Variants in CSMD1 observed in about 807,000 individuals in gnomAD.
The protein encoded by CSMD1 is CUB and Sushi multiple domains 1.
CSMD1 carries 213 observed loss-of-function variants against 417.5 expected under a neutral mutation model. The ratio of observed to expected loss-of-function variants is 0.51; its 90% CI spans 0.46 to 0.57. The LOEUF (loss-of-function observed/expected upper bound fraction) is 0.57, where lower values mean the gene tolerates loss of function less well. Ranked by LOEUF, CSMD1 falls within the 20% of genes least tolerant of loss-of-function variation. The probability of loss-of-function intolerance (pLI) is 0.00; values close to 1 mark genes in which losing one functional copy is unlikely to be tolerated. For missense variants in CSMD1, 6,923 were observed against 4,529.7 expected, an observed-to-expected ratio of 1.53 and a Z score of -15.17; for synonymous variants, 2,862 against 1,736.8, an observed-to-expected ratio of 1.65 and a Z score of -16.11.
chr8:3,754,433 C>CTTATTTATTATTTATTTATTTATTTAT (rs1554532530), intron 5 of CSMD1, among the ~76,000 whole-genome samples: 1 of 145,496 alleles, frequency 6.9e-6, no homozygotes, highest in African/African-American at 2.5e-5. Context: ...TTAGTAATTC[C>CTTATTTATTATTTATTTATTTATTTAT]TTATTTATTT....
intron 3 of CSMD1, among the ~76,000 whole-genome samples, chr8:4,295,435 TA>T (rs1200590273): frequency 2.8e-5 from 4 of 144,424 alleles, no homozygotes; most frequent in African/African-American, 1.0e-4. Context: ...AATCTTAAGA[TA>T]TATATAATCT....
chr8:4,965,541 T>G (rs560694098), intron 1 of CSMD1, among the ~76,000 whole-genome samples: 2 of 152,222 alleles, frequency 1.3e-5, no homozygotes, highest in South Asian at 2.1e-4. Flanking sequence ...CTGGCCAAAC[T>G]GTTTAACATC....
At chr8:2,980,833 G>C (rs1266452700) in intron 54 of CSMD1, among the ~76,000 whole-genome samples, 1 of 152,168 alleles carries the variant, frequency 6.6e-6, no homozygotes, top group Non-Finnish European at 1.5e-5. Context: ...GTATTAAAAT[G>C]CTAAGCCCTA....
rs1171038117 is a variant in CSMD1, at chr8:3,825,361, C to G, written c.819-71319G>C. ...CTTGGCCAACATGGTGAAACCTTGTCTGTAGTAAAAATACAAAATTAGCCA... is the reference window on the plus strand; with the variant it reads ...CTTGGCCAACATGGTGAAACCTTGTGTGTAGTAAAAATACAAAATTAGCCA... On this transcript the variant is annotated intron_variant, in intron 5 of 69. Transcript: ENST00000635120. 2.0e-5 allele frequency among the ~76,000 whole-genome samples: 3 copies of G among 152,236 alleles called. No individual in the cohort carries two copies. The East Asian group carries it at 5.8e-4, about 30-fold the overall frequency.
At chr8:4,054,863 G>T (rs773248483) in intron 3 of CSMD1, among the ~76,000 whole-genome samples, 1 of 152,126 alleles carries the variant, frequency 6.6e-6, no homozygotes, top group African/African-American at 2.4e-5. Context: ...AGAATGTATT[G>T]AAATGTTCTG....
chr8:4,920,055 G>C (rs1377840676), intron 1 of CSMD1, among the ~76,000 whole-genome samples: 1 of 152,180 alleles, frequency 6.6e-6, no homozygotes, highest in Non-Finnish European at 1.5e-5. Flanking sequence ...AAAGAGCTAA[G>C]ACAGTAGAGG....
chr8:4,385,206 G>C (rs1803367988), intron 3 of CSMD1, among the ~76,000 whole-genome samples: 1 of 152,120 alleles, frequency 6.6e-6, no homozygotes, highest in Non-Finnish European at 1.5e-5. Flanking sequence ...GTGATTACAG[G>C]CATGAGCCAC....
chr8:4,795,423 C>G (rs558042529), intron 1 of CSMD1, among the ~76,000 whole-genome samples: 29 of 151,732 alleles, frequency 1.9e-4, no homozygotes, highest in African/African-American at 6.5e-4. Context: ...AGGTACCCAG[C>G]ACCACGCCAG....
chr8:4,143,532 C>A lies in CSMD1; in HGVS notation c.416-111433G>T, dbSNP rs997921536. 4.6e-4 allele frequency among the ~76,000 whole-genome samples: 69 copies of A among 150,954 alleles called. 3 individuals carry two copies. Among genetic ancestry groups the A allele is most frequent in the African/African-American group, 1.6e-3 (66 of 40,344 alleles). ...GAAGAAGTTGATATTAAGTTTATAT[C>A]AAATCTATATTGTATACTTGTAAGG... is the stretch of plus-strand genomic sequence containing the variant. On this transcript the variant is annotated intron_variant, in intron 3 of 69. Transcript: ENST00000635120.
intron 12 of CSMD1, among the ~76,000 whole-genome samples, chr8:3,457,808 G>A (rs1238326937): frequency 6.6e-6 from 1 of 152,172 alleles, no homozygotes; most frequent in Non-Finnish European, 1.5e-5. Context: ...TTGTAAAAGT[G>A]GGTCCTTGTT....
chr8:4,157,313 G>A (rs1002716732), intron 3 of CSMD1, among the ~76,000 whole-genome samples: 4 of 152,198 alleles, frequency 2.6e-5, no homozygotes, highest in African/African-American at 9.7e-5. Context: ...CACTGCACCA[G>A]CAACTCAGGG....
At chr8:2,973,003 A>T in intron 57 of CSMD1, 114 bp downstream of exon 57, 2 of 989,826 alleles carry the variant, frequency 2.0e-6, no homozygotes, top group African/African-American at 1.6e-5. Context: ...GAAAAGATTT[A>T]ATTGTATAAA....
At chr8:4,366,556 C>G (rs568242756) in intron 3 of CSMD1, among the ~76,000 whole-genome samples, 93 of 152,166 alleles carry the variant, frequency 6.1e-4, no homozygotes, top group African/African-American at 2.1e-3. Context: ...CATATAAAAA[C>G]GTTACTTTTT....
rs564707557 is a variant in CSMD1, at chr8:3,430,394, C to T, written c.1562-20789G>A. 8.0e-4 allele frequency among the ~76,000 whole-genome samples: 121 copies of T among 151,964 alleles called. 3 individuals carry two copies. The South Asian group carries it at 0.011, about 13-fold the overall frequency. On this transcript the variant is annotated intron_variant, in intron 12 of 69. Coordinates refer to ENST00000635120, the MANE Select transcript of CSMD1 (RefSeq NM_033225.6). The stretch of plus-strand genomic sequence containing the variant: ...CCATGAGAGTGGAAGCTGTATCTGT[C>T]TTCTGTTTATTTTTTTAATGCTGAA...
chr8:4,974,163 C>T (rs4875424), intron 1 of CSMD1, among the ~76,000 whole-genome samples: 38,301 of 150,974 alleles, frequency 0.25, 6,126 homozygotes, highest in Non-Finnish European at 0.36. Flanking sequence ...ATTACAGGCA[C>T]ATGCCACCAC....
At position 4,539,366 on chromosome 8, in the gene CSMD1, C is replaced by G. The variant is rs1283194659; in HGVS notation, c.302+97976G>C. Reference sequence around the variant, plus strand: ...AATCTCTTTCACTAAGCCCATGGATCAGCAGGAATGTTTTTGGAGTGTTCC... The same window carrying G: ...AATCTCTTTCACTAAGCCCATGGATGAGCAGGAATGTTTTTGGAGTGTTCC... On this transcript the variant is annotated intron_variant, in intron 2 of 69. Coordinates refer to ENST00000635120, the MANE Select transcript of CSMD1 (RefSeq NM_033225.6). 2.0e-5 allele frequency among the ~76,000 whole-genome samples: 3 copies of G among 152,298 alleles called. No homozygotes were observed. In the East Asian group the frequency reaches 5.8e-4, roughly 29 times the overall value.
intron 1 of CSMD1, among the ~76,000 whole-genome samples, chr8:4,694,134 A>G (rs1435216590): frequency 1.3e-5 from 2 of 152,290 alleles, no homozygotes; most frequent in African/African-American, 4.8e-5. Context: ...CGATTTGTCC[A>G]CGGGAATTTC....
intron 1 of CSMD1, among the ~76,000 whole-genome samples, chr8:4,961,527 T>C (rs1809485114): frequency 1.3e-5 from 2 of 152,188 alleles, no homozygotes; most frequent in Non-Finnish European, 2.9e-5. Context: ...TTTGGCTAGT[T>C]TGAAAATTAG....
intron 2 of CSMD1, among the ~76,000 whole-genome samples, chr8:4,527,122 A>T (rs1252379195): frequency 6.6e-6 from 1 of 152,148 alleles, no homozygotes; most frequent in Non-Finnish European, 1.5e-5. Context: ...GCTTTTACTT[A>T]AGATATTTTT....
Sources: gnomAD v4.1 joint callset for allele counts (sites outside exome capture counted in the v4.1 genomes callset) on GRCh38, gnomAD v4.1.1 for gene constraint, MANE v1.5 for transcripts, NCBI Gene and HGNC (gene_info 2026-07-23, HGNC 2026-07-21) for gene names.